GRM8: variants seen among roughly 807,000 people sequenced by gnomAD.
GRM8 encodes the protein metabotropic glutamate receptor 8.
In GRM8, 47 loss-of-function variants were observed where a neutral mutation model predicts 87.2. That is an observed-to-expected ratio of 0.54 (90% CI 0.43 to 0.69). The LOEUF is 0.69. GRM8 is among the 30% of genes least tolerant of loss of function. GRM8 has a pLI of 0.00. For missense variants in GRM8, 1,019 were observed against 1,139.2 expected (o/e 0.89, Z 1.52); for synonymous variants, 396 against 404.5 (o/e 0.98, Z 0.25).
intron 6 of GRM8, among the ~76,000 whole-genome samples, chr7:126,797,685 A>T (rs2151696307): frequency 6.6e-6 from 1 of 152,206 alleles, no homozygotes; most frequent in South Asian, 2.1e-4. Context: ...GACCTTAAAA[A>T]CTTTAGGGGG....
rs187942386 is a variant in GRM8 at position 126,509,203 on chromosome 7, A to C, written c.2430+23749T>G. Among the ~76,000 whole-genome samples, 29 of 152,182 alleles carry C rather than the reference A, an allele frequency of 1.9e-4. No homozygotes were observed. In the East Asian group the frequency reaches 5.4e-3, roughly 29 times the overall value. On this transcript the variant is annotated intron_variant, in intron 9 of 10. Coordinates refer to ENST00000339582, the MANE Select transcript of GRM8 (RefSeq NM_000845.3). ...CACCTTTTTCTTCCAAAAAGTGTTA[A>C]ATTTTCAATATGGTTAAAATATCGA...
chr7:126,705,330 G>A (rs1585598488), intron 7 of GRM8, among the ~76,000 whole-genome samples: 1 of 152,128 alleles, frequency 6.6e-6, no homozygotes, highest in Non-Finnish European at 1.5e-5. Context: ...AACTTGCTAA[G>A]CCCATTACAT....
chr7:126,795,729 T>A (rs1219367246), intron 6 of GRM8, among the ~76,000 whole-genome samples: 1 of 152,046 alleles, frequency 6.6e-6, no homozygotes, highest in African/African-American at 2.4e-5. Flanking sequence ...GTCCAATGAA[T>A]GGGGATCCAT....
In GRM8 at chr7:126,611,080, C is replaced by T. The variant is rs188118831; in HGVS notation, c.1358-1582G>A. Among the ~76,000 whole-genome samples the T allele has an allele frequency of 6.8e-4, 103 of 152,194 alleles. 1 individual carries two copies. The highest frequency in any genetic ancestry group is 2.3e-3 in the African/African-American group (97 of 41,532). ...GCTGTAAATATGTACATTATTATTACTATTATTATTAATTCACATGAGAAA... is the reference window on the plus strand; with the variant it reads ...GCTGTAAATATGTACATTATTATTATTATTATTATTAATTCACATGAGAAA... On this transcript the variant is annotated intron_variant, in intron 7 of 10. Transcript: ENST00000339582.
At chr7:126,514,345 G>T (rs1045779835) in intron 9 of GRM8, among the ~76,000 whole-genome samples, 26 of 152,138 alleles carry the variant, frequency 1.7e-4, no homozygotes, top group Non-Finnish European at 4.4e-5. Context: ...TTAAAATGAA[G>T]CAGTGGGTAT....
intron 8 of GRM8, among the ~76,000 whole-genome samples, chr7:126,546,363 C>A (rs944414715): frequency 2.6e-5 from 4 of 152,146 alleles, no homozygotes; most frequent in African/African-American, 7.2e-5. Flanking sequence ...TCAATGCTCC[C>A]GGGGCAGTGC....
intron 8 of GRM8, among the ~76,000 whole-genome samples, chr7:126,554,702 A>G (rs933294629): frequency 1.3e-5 from 2 of 152,172 alleles, no homozygotes; most frequent in African/African-American, 4.8e-5. Flanking sequence ...AATGAGATAG[A>G]AAGTATAGTT....
intron 3 of GRM8, among the ~76,000 whole-genome samples, chr7:127,096,526 CT>C (rs1400467599): frequency 6.6e-6 from 1 of 151,348 alleles, no homozygotes; most frequent in Non-Finnish European, 1.5e-5. Context: ...TGCCACTGCA[CT>C]TCAGCCTGAG....
chr7:126,624,533 GGTTT>G (rs1392543925), intron 7 of GRM8, among the ~76,000 whole-genome samples: 9 of 152,234 alleles, frequency 5.9e-5, no homozygotes, highest in African/African-American at 1.9e-4. Context: ...AAAAATATTT[GGTTT>G]GTTTAACTGA....
chr7:126,724,960 G>A (rs1812800068), intron 7 of GRM8, among the ~76,000 whole-genome samples: 1 of 152,150 alleles, frequency 6.6e-6, no homozygotes, highest in Non-Finnish European at 1.5e-5. Flanking sequence ...AGTACTTTGT[G>A]TCAGGTTTTA....
intron 3 of GRM8, among the ~76,000 whole-genome samples, chr7:126,925,063 G>C (rs919598629): frequency 1.3e-5 from 2 of 152,104 alleles, no homozygotes; most frequent in Admixed American, 1.3e-4. Context: ...ACAGAAGAGA[G>C]CAAGACCTCA....
At chr7:126,836,136 G>A (rs147267797) in intron 6 of GRM8, among the ~76,000 whole-genome samples, 48 of 152,206 alleles carry the variant, frequency 3.2e-4, no homozygotes, top group Admixed American at 6.5e-4. Flanking sequence ...GAAGCTCACA[G>A]AGAATGAAAT....
intron 7 of GRM8, among the ~76,000 whole-genome samples, chr7:126,741,235 C>CGT (rs60863646): frequency 0.035 from 5,272 of 150,250 alleles, 303 homozygotes; most frequent in African/African-American, 0.12. Flanking sequence ...TGTGTGCGTA[C>CGT]GTGTGTGTGT....
chr7:126,679,566 A>C (rs1439240452), intron 7 of GRM8, among the ~76,000 whole-genome samples: 1 of 152,232 alleles, frequency 6.6e-6, no homozygotes, highest in Admixed American at 6.5e-5. Flanking sequence ...TAGAAGCTGG[A>C]AATATAGTGT....
chr7:127,212,407 G>GTTGTTTT (rs1563581982), intron 2 of GRM8, among the ~76,000 whole-genome samples: 3 of 118,474 alleles, frequency 2.5e-5, no homozygotes, highest in African/African-American at 1.1e-4. Flanking sequence ...AGGACATGGT[G>GTTGTTTT]TTATTTTTTT....
At chr7:127,161,084 T>C (rs921598370) in intron 2 of GRM8, among the ~76,000 whole-genome samples, 1 of 152,178 alleles carries the variant, frequency 6.6e-6, no homozygotes, top group Non-Finnish European at 1.5e-5. Context: ...AAACATTCTT[T>C]ATCATACACT....
intron 2 of GRM8, among the ~76,000 whole-genome samples, chr7:127,168,086 C>G (rs1587182786): frequency 6.6e-6 from 1 of 151,966 alleles, no homozygotes; most frequent in African/African-American, 2.4e-5. Flanking sequence ...TACAGAATGG[C>G]AGAAAATTTT....
At chr7:127,196,799 C>T (rs892327168) in intron 2 of GRM8, among the ~76,000 whole-genome samples, 9 of 152,184 alleles carry the variant, frequency 5.9e-5, no homozygotes, top group Non-Finnish European at 1.3e-4. Context: ...GCCTCAGTTT[C>T]CTCATCCTGT....
intron 7 of GRM8, among the ~76,000 whole-genome samples, chr7:126,702,153 G>A (rs1810006071): frequency 6.6e-6 from 1 of 152,198 alleles, no homozygotes; most frequent in Non-Finnish European, 1.5e-5. Context: ...AGTGAGGAAA[G>A]CCCCTTGCCT....
Sources: gnomAD v4.1 joint callset for allele counts (sites outside exome capture counted in the v4.1 genomes callset) on GRCh38, gnomAD v4.1.1 for gene constraint, MANE v1.5 for transcripts, NCBI Gene and HGNC (gene_info 2026-07-23, HGNC 2026-07-21) for gene names.